SWAP70: variants seen among roughly 807,000 people sequenced by gnomAD.
SWAP70 encodes the protein switching B cell complex subunit SWAP70.
In SWAP70, 34 loss-of-function variants were observed where a neutral mutation model predicts 80.2. The ratio of observed to expected loss-of-function variants is 0.42; its 90% CI spans 0.32 to 0.56. The LOEUF (loss-of-function observed/expected upper bound fraction) is 0.56. Ranked by LOEUF, SWAP70 falls within the 20% of genes least tolerant of loss-of-function variation. SWAP70 has a pLI of 0.09. For missense variants in SWAP70, 578 were observed against 690.7 expected, an observed-to-expected ratio of 0.84 and a Z score of 1.83; for synonymous variants, 239 against 238.5, an observed-to-expected ratio of 1.00 and a Z score of -0.02.
rs1439883332 is a variant in SWAP70, at chr11:9,729,948, T to C, written c.898+497T>C. ...TTAGTTTTATTTGCATAATGAACTTTGGGTAAATTATAAATGGGAGATTTA... is the reference window on the plus strand; with the variant it reads ...TTAGTTTTATTTGCATAATGAACTTCGGGTAAATTATAAATGGGAGATTTA... On this transcript the variant is annotated intron_variant, in intron 6 of 11. Coordinates refer to ENST00000318950, the MANE Select transcript of SWAP70 (RefSeq NM_015055.4). Among the ~76,000 whole-genome samples the C allele has an allele frequency of 3.3e-5, 5 of 152,246 alleles. No individual in the cohort carries two copies. In the East Asian group the frequency reaches 9.6e-4, roughly 29 times the overall value.
intron 1 of SWAP70, among the ~76,000 whole-genome samples, chr11:9,692,164 T>C (rs1307942941): frequency 1.3e-5 from 2 of 151,440 alleles, no homozygotes; most frequent in Non-Finnish European, 2.9e-5. Context: ...AGAAAAAGTA[T>C]AGGCTATGAA....
At chr11:9,740,424 C>T in intron 9 of SWAP70, 77 bp downstream of exon 9, 1 of 1,427,462 alleles carries the variant, frequency 7.0e-7, no homozygotes, top group Non-Finnish European at 9.9e-7. Context: ...GACTAACACT[C>T]TGGTGGAGAG....
At chr11:9,697,907 C>G (rs1850779528) in intron 2 of SWAP70, among the ~76,000 whole-genome samples, 3 of 152,038 alleles carry the variant, frequency 2.0e-5, no homozygotes, top group Non-Finnish European at 4.4e-5. Context: ...GCCTCAGCCT[C>G]TTGAGTAGTA....
chr11:9,710,471 T>C (rs1470892735), intron 2 of SWAP70, among the ~76,000 whole-genome samples: 1 of 152,080 alleles, frequency 6.6e-6, no homozygotes, highest in East Asian at 1.9e-4. Context: ...GGAGGACTGG[T>C]TTGCCAACTA....
chr11:9,713,029 C>T (rs565531985), intron 2 of SWAP70, among the ~76,000 whole-genome samples: 17 of 152,132 alleles, frequency 1.1e-4, no homozygotes, highest in Non-Finnish European at 1.8e-4. Context: ...AGATAATGTA[C>T]CTGTACTTGG....
chr11:9,748,113 A>C (rs1369390574), intron 10 of SWAP70, 57 bp downstream of exon 10: 2 of 1,529,904 alleles, frequency 1.3e-6, no homozygotes, highest in Non-Finnish European at 1.8e-6. Context: ...AACATTTCTC[A>C]ATAATAGAAT....
intron 2 of SWAP70, among the ~76,000 whole-genome samples, chr11:9,704,832 T>A (rs1237358401): frequency 2.0e-5 from 3 of 152,202 alleles, no homozygotes; most frequent in African/African-American, 7.2e-5. Context: ...TTGACTGACC[T>A]GTAGTAGACA....
intron 1 of SWAP70, among the ~76,000 whole-genome samples, chr11:9,673,433 T>G (rs1272254721): frequency 6.6e-6 from 1 of 152,206 alleles, no homozygotes; most frequent in Non-Finnish European, 1.5e-5. Context: ...CTCATTAACC[T>G]TCCTTTAAGC....
At chr11:9,731,210 A>C (rs1272535486) in intron 6 of SWAP70, among the ~76,000 whole-genome samples, 1 of 152,236 alleles carries the variant, frequency 6.6e-6, no homozygotes, top group Non-Finnish European at 1.5e-5. Context: ...GGCTTTTTAA[A>C]AAAAATCCTG....
At chr11:9,734,539 A>T (rs1459054742) in intron 7 of SWAP70, among the ~76,000 whole-genome samples, 1 of 152,238 alleles carries the variant, frequency 6.6e-6, no homozygotes, top group African/African-American at 2.4e-5. Context: ...AAAAATTCTT[A>T]TAGATCGCTT....
chr11:9,671,740 A>ATATAAATATAAATATAAAATATATT (rs1274933645), intron 1 of SWAP70, among the ~76,000 whole-genome samples: 15 of 55,738 alleles, frequency 2.7e-4, no homozygotes, highest in African/African-American at 3.9e-4. Context: ...CTATGTATAC[A>ATATAAATATAAATATAAAATATATT]TAGAAATATA....
intron 2 of SWAP70, 83 bp from the exon 3 acceptor site, chr11:9,713,383 A>G: frequency 7.3e-7 from 1 of 1,362,160 alleles, no homozygotes; most frequent in Non-Finnish European, 9.9e-7. Flanking sequence ...GAGCCAAAGG[A>G]GGCTTTGTCT....
chr11:9,724,787 A>G lies in SWAP70; in HGVS notation c.544A>G (p.Ile182Val), dbSNP rs1052161854. The change falls in exon 4 of 12, where the codon ATT (isoleucine) becomes GTT (valine). Residue 182 changes from isoleucine (I) to valine (V), a missense_variant. By Grantham distance (29) the Ile-to-Val change is conservative. Coordinates refer to ENST00000318950, the MANE Select transcript of SWAP70 (RefSeq NM_015055.4). The stretch of plus-strand genomic sequence containing the variant: ...TTCTGCATGGGAACTTATTGAGCTT[A>G]TTGGAAATGGACAGTTTAGCAAAGG... ...GLSAWELIELIGNGQFSKGMD... is the reference protein window; with the variant it reads ...GLSAWELIELVGNGQFSKGMD... 6.2e-7 allele frequency: 1 copy of G among 1,614,152 alleles called. No individual in the cohort carries two copies. The highest frequency in any genetic ancestry group is 8.5e-7 in the Non-Finnish European group (1 of 1,180,010).
At chr11:9,742,470 G>A (rs1448585988) in intron 9 of SWAP70, among the ~76,000 whole-genome samples, 1 of 151,882 alleles carries the variant, frequency 6.6e-6, no homozygotes, top group Admixed American at 6.6e-5. Context: ...CCGAGTAGCT[G>A]GGAGTACAGG....
chr11:9,729,286 T>C, intron 5 of SWAP70, 57 bp from the exon 6 acceptor site: 1 of 1,058,470 alleles, frequency 9.4e-7, no homozygotes, highest in African/African-American at 1.6e-5. Context: ...ATAATTCAAA[T>C]TGAATTTCAT....
In SWAP70 at chr11:9,750,487, A is replaced by T. The variant is rs1209907702; in HGVS notation, c.*517A>T. On this transcript the variant is annotated 3_prime_UTR_variant, in exon 12 of 12. Transcript: ENST00000318950. ...AAACAAGGGTTACCTGAAAAGAAAA[A>T]AAAAGTCAACATTGTCAAGCTGTTT... 6.6e-6 allele frequency: 1 copy of T among 152,322 alleles called. No individual in the cohort carries two copies. Among genetic ancestry groups the T allele is most frequent in the African/African-American group, 2.4e-5 (1 of 41,450 alleles). 9.4% of individuals were successfully genotyped at this position (152,322 alleles called of 1,614,324 possible).
At chr11:9,746,916 T>G (rs922738194) in intron 9 of SWAP70, among the ~76,000 whole-genome samples, 1 of 152,244 alleles carries the variant, frequency 6.6e-6, no homozygotes, top group Admixed American at 6.5e-5. Context: ...TATAGTCTGT[T>G]ACTTTATTCC....
chr11:9,726,762 A>G (rs941230048), intron 4 of SWAP70: 10 of 398,972 alleles, frequency 2.5e-5, no homozygotes, highest in Admixed American at 2.3e-4. Context: ...GCCTATAATA[A>G]TGTATAATTT....
At chr11:9,671,600 A>AC (rs1850396542) in intron 1 of SWAP70, among the ~76,000 whole-genome samples, 1 of 11,994 alleles carries the variant, frequency 8.3e-5, no homozygotes, top group Non-Finnish European at 4.1e-4. Flanking sequence ...ATATAAATAT[A>AC]TTTATATAGA....
Sources: allele counts gnomAD v4.1 joint callset (sites outside exome capture counted in the v4.1 genomes callset), GRCh38; gene constraint gnomAD v4.1.1; transcripts MANE v1.5; gene names NCBI Gene and HGNC (gene_info 2026-07-23, HGNC 2026-07-21).